Variants in CNTNAP2 observed in about 807,000 individuals in gnomAD.
CNTNAP2 encodes contactin associated protein 2.
A neutral mutation model predicts 155.2 loss-of-function variants in CNTNAP2; 98 were observed. The ratio of observed to expected loss-of-function variants is 0.63; its 90% CI spans 0.54 to 0.75. CNTNAP2 has a LOEUF of 0.75. Ranked by LOEUF, CNTNAP2 falls within the 30% of genes least tolerant of loss-of-function variation. The pLI is 0.00. For missense variants in CNTNAP2, 1,727 were observed against 1,688.1 expected (o/e 1.02, Z -0.40); for synonymous variants, 651 against 631.2 (o/e 1.03, Z -0.47).
chr7:146,592,903 G>A (rs1182400687), intron 1 of CNTNAP2, among the ~76,000 whole-genome samples: 1 of 152,028 alleles, frequency 6.6e-6, no homozygotes, highest in Non-Finnish European at 1.5e-5. Context: ...AGTTTATGTA[G>A]CATTTTCACT....
intron 3 of CNTNAP2, among the ~76,000 whole-genome samples, chr7:146,871,147 T>C (rs1161972714): frequency 2.0e-5 from 3 of 152,200 alleles, no homozygotes; most frequent in Non-Finnish European, 4.4e-5. Flanking sequence ...ATGTGACGAA[T>C]TAGGCAACTT....
chr7:148,012,162 C>T (rs185890952), intron 15 of CNTNAP2, among the ~76,000 whole-genome samples: 4 of 152,200 alleles, frequency 2.6e-5, no homozygotes, highest in Non-Finnish European at 5.9e-5. Flanking sequence ...AAGTGATCTT[C>T]CCCCCTCAGT....
chr7:147,549,382 C>T (rs1465639637), intron 11 of CNTNAP2, among the ~76,000 whole-genome samples: 1 of 152,098 alleles, frequency 6.6e-6, no homozygotes, highest in Non-Finnish European at 1.5e-5. Context: ...GGAGTTCATT[C>T]ATGATTTGGC....
intron 1 of CNTNAP2, among the ~76,000 whole-genome samples, chr7:146,599,627 T>C (rs1798916474): frequency 6.6e-6 from 1 of 151,980 alleles, no homozygotes; most frequent in Non-Finnish European, 1.5e-5. Flanking sequence ...TATGCTTTAA[T>C]GTATTCCAGC....
intron 13 of CNTNAP2, among the ~76,000 whole-genome samples, chr7:147,779,622 G>A (rs1321489275): frequency 6.6e-6 from 1 of 152,100 alleles, no homozygotes; most frequent in Non-Finnish European, 1.5e-5. Flanking sequence ...ACTGTTAAAT[G>A]ACTGAATCAG....
intron 10 of CNTNAP2, among the ~76,000 whole-genome samples, chr7:147,444,337 C>A (rs964898785): frequency 2.0e-5 from 3 of 152,110 alleles, no homozygotes; most frequent in Non-Finnish European, 4.4e-5. Flanking sequence ...AGTTGCCAGC[C>A]TTTTGGCATA....
At chr7:147,046,819 G>A (rs879793128) in intron 4 of CNTNAP2, among the ~76,000 whole-genome samples, 4 of 151,902 alleles carry the variant, frequency 2.6e-5, no homozygotes, top group African/African-American at 7.2e-5. Flanking sequence ...CACGAGGTCA[G>A]GAGATCGAGA....
At chr7:148,078,049 C>A (rs985671607) in intron 15 of CNTNAP2, among the ~76,000 whole-genome samples, 1 of 151,752 alleles carries the variant, frequency 6.6e-6, no homozygotes, top group Non-Finnish European at 1.5e-5. Flanking sequence ...GATTAATGTA[C>A]CCAAAAACAT....
Position 148,301,292 on chromosome 7 carries a change from T to TAAAA in CNTNAP2, c.3475+34178_3475+34181dup, listed in dbSNP as rs1191956788. On this transcript the variant is annotated intron_variant, in intron 21 of 23. Coordinates refer to ENST00000361727, the MANE Select transcript of CNTNAP2 (RefSeq NM_014141.6). Reference sequence around the variant, plus strand: ...CTGGGTGACAAGGCGAGACTCCGTCTAAAAAAAAAAAAAAATATATATATA... The same window carrying TAAAA: ...CTGGGTGACAAGGCGAGACTCCGTCTAAAAAAAAAAAAAAAAAAATATATATATA... 6.6e-4 allele frequency among the ~76,000 whole-genome samples: 78 copies of TAAAA among 118,734 alleles called. 1 individual carries two copies. Among genetic ancestry groups the TAAAA allele is most frequent in the Admixed American group, 5.7e-3 (64 of 11,182 alleles). The allele number at this position is 118,734 out of a possible 152,430, so 77.9% of individuals were successfully genotyped here.
intron 3 of CNTNAP2, among the ~76,000 whole-genome samples, chr7:146,918,458 C>G (rs1366320609): frequency 6.6e-6 from 1 of 152,114 alleles, no homozygotes; most frequent in African/African-American, 2.4e-5. Flanking sequence ...TCACTAGATA[C>G]ACAATTCTTG....
chr7:148,283,255 A>AAAAAAAGAAAG (rs1797008189), intron 21 of CNTNAP2, among the ~76,000 whole-genome samples: 1 of 63,626 alleles, frequency 1.6e-5, no homozygotes, highest in Non-Finnish European at 2.9e-5. Context: ...AAAAAAAAAA[A>AAAAAAAGAAAG]AAAGAAAGAA....
At chr7:146,264,324 C>T (rs1009302815) in intron 1 of CNTNAP2, among the ~76,000 whole-genome samples, 2 of 151,808 alleles carry the variant, frequency 1.3e-5, no homozygotes, top group Admixed American at 1.3e-4. Flanking sequence ...TGGTGGCGGG[C>T]GCCTGTAATC....
chr7:146,222,278 T>G (rs1382405478), intron 1 of CNTNAP2, among the ~76,000 whole-genome samples: 1 of 152,196 alleles, frequency 6.6e-6, no homozygotes, highest in Non-Finnish European at 1.5e-5. Context: ...AAGGATACTT[T>G]GTACATTTCT....
chr7:148,233,107 C>A (rs1303761968), intron 20 of CNTNAP2, among the ~76,000 whole-genome samples: 1 of 152,208 alleles, frequency 6.6e-6, no homozygotes, highest in Admixed American at 6.5e-5. Context: ...TATAAACAAA[C>A]AAGGTGCAGC....
At chr7:147,876,344 CT>C (rs56031433) in intron 13 of CNTNAP2, among the ~76,000 whole-genome samples, 2,308 of 152,142 alleles carry the variant, frequency 0.015, 34 homozygotes, top group Non-Finnish European at 0.025. Context: ...AGTTTTGTTT[CT>C]TTTTTTATCA....
chr7:146,885,612 A>T (rs539561021), intron 3 of CNTNAP2, among the ~76,000 whole-genome samples: 1 of 152,284 alleles, frequency 6.6e-6, no homozygotes, highest in Admixed American at 6.5e-5. Flanking sequence ...TAAGATTTTA[A>T]TCTTACAGAG....
At chr7:147,508,877 CCT>C (rs1471730450) in intron 11 of CNTNAP2, among the ~76,000 whole-genome samples, 1 of 152,160 alleles carries the variant, frequency 6.6e-6, no homozygotes, top group East Asian at 1.9e-4. Context: ...GTCCATTAAA[CCT>C]CTTTTTCTTT....
intron 16 of CNTNAP2, among the ~76,000 whole-genome samples, chr7:148,118,687 G>A (rs1804529705): frequency 6.6e-6 from 1 of 152,166 alleles, no homozygotes; most frequent in African/African-American, 2.4e-5. Flanking sequence ...GGTCAAGGAA[G>A]ACAGGAATGA....
chr7:146,598,127 T>C (rs900444433), intron 1 of CNTNAP2, among the ~76,000 whole-genome samples: 3 of 152,084 alleles, frequency 2.0e-5, no homozygotes, highest in African/African-American at 7.2e-5. Context: ...ACATGCAACT[T>C]TGATGACTTG....
Sources: gnomAD v4.1 joint callset for allele counts (sites outside exome capture counted in the v4.1 genomes callset) on GRCh38, gnomAD v4.1.1 for gene constraint, MANE v1.5 for transcripts, NCBI Gene and HGNC (gene_info 2026-07-23, HGNC 2026-07-21) for gene names.